Variants in NTRK1 observed in about 807,000 individuals in gnomAD.
NTRK1 encodes the protein high affinity nerve growth factor receptor.
Under a neutral mutation model 86.8 loss-of-function variants are expected in NTRK1, and 62 were observed. The observed-to-expected ratio is 0.71, with a 90% CI of 0.58 to 0.88. NTRK1 has a LOEUF of 0.88. Ranked by LOEUF, NTRK1 falls within the 40% of genes least tolerant of loss-of-function variation. The pLI, the probability that NTRK1 is intolerant of heterozygous loss-of-function variation, is 0.00. For synonymous variants in NTRK1, 469 were observed against 456.6 expected, an observed-to-expected ratio of 1.03 and a Z score of -0.35; for missense variants, 967 against 1,078.4, an observed-to-expected ratio of 0.90 and a Z score of 1.45.
At chr1:156,842,410 C>A (rs757445934) in intron 2 of NTRK1, 1 of 1,613,908 alleles carries the variant, frequency 6.2e-7, no homozygotes, top group Admixed American at 1.7e-5. Flanking sequence ...CTGCCTCAGG[C>A]CGCAAAGATC....
At chr1:156,816,209 C>A in intron 1 of NTRK1, 1 of 1,450,942 alleles carries the variant, frequency 6.9e-7, no homozygotes, top group Middle Eastern at 1.9e-4. Flanking sequence ...GTCTTAACGA[C>A]AGGAAAAACG....
At chr1:156,878,872 G>A (rs1216699166) in intron 14 of NTRK1, among the ~76,000 whole-genome samples, 1 of 152,116 alleles carries the variant, frequency 6.6e-6, no homozygotes, top group Non-Finnish European at 1.5e-5. Context: ...GGAGTTCAAG[G>A]AGCTGCCAGA....
intron 1 of NTRK1, among the ~76,000 whole-genome samples, chr1:156,863,617 TG>T (rs911543346): frequency 4.6e-5 from 7 of 151,908 alleles, no homozygotes; most frequent in Admixed American, 3.3e-4. Flanking sequence ...GGTTGCTGCT[TG>T]GGTGTGAAGA....
At chr1:156,820,646 C>G (rs1173324037) in intron 1 of NTRK1, among the ~76,000 whole-genome samples, 1 of 152,178 alleles carries the variant, frequency 6.6e-6, no homozygotes. Flanking sequence ...GGTCTACATG[C>G]CTATTTTTAT....
intron 6 of NTRK1, among the ~76,000 whole-genome samples, chr1:156,869,132 C>T (rs766600344): frequency 4.0e-5 from 6 of 150,200 alleles, no homozygotes; most frequent in Non-Finnish European, 7.4e-5. Flanking sequence ...AGTGCAGTGG[C>T]GCGATCTTGA....
chr1:156,831,764 C>T (rs1654472265), intron 1 of NTRK1, among the ~76,000 whole-genome samples: 1 of 152,124 alleles, frequency 6.6e-6, no homozygotes, highest in Non-Finnish European at 1.5e-5. Context: ...AGGGTTAGGG[C>T]AGAAAGATGT....
chr1:156,852,004 G>T, intron 2 of NTRK1: 1 of 1,612,976 alleles, frequency 6.2e-7, no homozygotes, highest in Admixed American at 1.7e-5. Context: ...GCTCAGCTGT[G>T]ACACAGCGCC....
At chr1:156,839,820 G>T (rs1037144242) in intron 1 of NTRK1, among the ~76,000 whole-genome samples, 3 of 152,148 alleles carry the variant, frequency 2.0e-5, no homozygotes, top group Admixed American at 6.5e-5. Context: ...AGACACAAAG[G>T]TTCCCTGCCG....
At position 156,854,067 on chromosome 1, in the gene NTRK1, G is replaced by A. The variant is rs551984020; in HGVS notation, c.51-10287G>A. 2.2e-5 allele frequency: 36 copies of A among 1,614,070 alleles called. No individual in the cohort carries two copies. Among genetic ancestry groups the A allele is most frequent in the South Asian group, 8.8e-5 (8 of 91,092 alleles). On this transcript the variant is annotated intron_variant, in intron 2 of 16. Coordinates refer to the NTRK1 transcript ENST00000392302. This position sits in a 1 kb window ranked among gnomAD's most constrained non-coding sequence, Gnocchi z 4.2. ...ACCAGTGCATAGCCCAGGAAGAGGCGCGTCCCGCGGATGACTGCTAGGTTG... is the reference window on the plus strand; with the variant it reads ...ACCAGTGCATAGCCCAGGAAGAGGCACGTCCCGCGGATGACTGCTAGGTTG...
At position 156,861,395 on chromosome 1, in the gene NTRK1, G is replaced by C. The variant is rs537927794; in HGVS notation, c.212+249G>C. On this transcript the variant is annotated intron_variant, in intron 1 of 16. Transcript: ENST00000524377. ...GCCGCCGGCTTCAGGGAGATCGAAG[G>C]GGGAAATCTCCGTGGACCAGGTCTG... Among the ~76,000 whole-genome samples, 181 of 152,336 alleles carry C rather than the reference G, an allele frequency of 1.2e-3. 1 individual carries two copies. The highest frequency in any genetic ancestry group is 1.5e-4 in the Non-Finnish European group (10 of 68,032).
intron 1 of NTRK1, among the ~76,000 whole-genome samples, chr1:156,839,041 T>C (rs1654671794): frequency 6.6e-6 from 1 of 152,320 alleles, no homozygotes. Context: ...CCCAACTTTT[T>C]CCCTTAGCTG....
At chr1:156,877,604 C>G (rs191399822) in intron 14 of NTRK1, among the ~76,000 whole-genome samples, 5 of 152,230 alleles carry the variant, frequency 3.3e-5, no homozygotes, top group African/African-American at 1.2e-4. Context: ...GGGAGAAGAG[C>G]AGGGTTTGGA....
At chr1:156,858,725 G>A, upstream of NTRK1, 2 of 922,036 alleles carry the variant, frequency 2.2e-6, no homozygotes, top group Non-Finnish European at 3.6e-6. Context: ...GTTCAGATAG[G>A]AGAGGGAGGG....
At chr1:156,876,994 T>C (rs1311513553) in intron 14 of NTRK1, among the ~76,000 whole-genome samples, 3 of 152,220 alleles carry the variant, frequency 2.0e-5, no homozygotes, top group Non-Finnish European at 2.9e-5. Context: ...TAATTTATTA[T>C]TTTTTATTTT....
intron 1 of NTRK1, among the ~76,000 whole-genome samples, chr1:156,824,177 A>G (rs1452654956): frequency 1.3e-5 from 2 of 152,130 alleles, no homozygotes; most frequent in Non-Finnish European, 2.9e-5. Context: ...TAGTCAGTGT[A>G]TATTCTTACC....
intron 2 of NTRK1, chr1:156,849,060 AG>A (rs777522694): frequency 6.4e-5 from 103 of 1,610,190 alleles, no homozygotes; most frequent in Non-Finnish European, 8.6e-5. Flanking sequence ...GGGTGGGGCG[AG>A]GGGCCTGCTC....
At chr1:156,822,676 T>C (rs192177540) in intron 1 of NTRK1, among the ~76,000 whole-genome samples, 16 of 152,120 alleles carry the variant, frequency 1.1e-4, no homozygotes, top group Admixed American at 9.8e-4. Context: ...CTAATTGATA[T>C]TCGTCATTTC....
intron 1 of NTRK1, chr1:156,816,796 C>T: frequency 1.6e-6 from 2 of 1,266,880 alleles, no homozygotes; most frequent in South Asian, 1.7e-5. Flanking sequence ...CATCTCTCCT[C>T]TCACCCTGGC....
At chr1:156,843,220 A>T (rs757666243) in intron 2 of NTRK1, 5 of 1,613,872 alleles carry the variant, frequency 3.1e-6, no homozygotes, top group Non-Finnish European at 4.2e-6. Flanking sequence ...CCTCCCATTC[A>T]TCAGGGACAT....
Sources: gnomAD v4.1 joint callset for allele counts (sites outside exome capture counted in the v4.1 genomes callset) on GRCh38, gnomAD v4.1.1 for gene constraint, Gnocchi (gnomAD v3.1) non-coding constraint, MANE v1.5 for transcripts, NCBI Gene and HGNC (gene_info 2026-07-23, HGNC 2026-07-21) for gene names.